KCNH7: variants seen among roughly 807,000 people sequenced by gnomAD.
KCNH7 encodes the protein potassium voltage-gated channel subfamily H member 7.
A neutral mutation model predicts 120.8 loss-of-function variants in KCNH7; 49 were observed. That is an observed-to-expected ratio of 0.41 (90% CI 0.32 to 0.51). The LOEUF (loss-of-function observed/expected upper bound fraction) is 0.51. Among genes scored for constraint, KCNH7 ranks in the 20% least tolerant of loss-of-function variants. The pLI is 0.38. For synonymous variants in KCNH7, 547 were observed against 516.1 expected, an observed-to-expected ratio of 1.06 and a Z score of -0.81; for missense variants, 1,097 against 1,446.6, an observed-to-expected ratio of 0.76 and a Z score of 3.92.
intron 2 of KCNH7, among the ~76,000 whole-genome samples, chr2:162,571,136 T>C (rs1386619654): frequency 2.0e-5 from 3 of 151,772 alleles, no homozygotes; most frequent in South Asian, 4.2e-4. Context: ...TGATTGTATA[T>C]CTAGAAAACC....
chr2:162,705,542 T>C (rs1559091216), intron 2 of KCNH7, among the ~76,000 whole-genome samples: 1 of 152,140 alleles, frequency 6.6e-6, no homozygotes. Context: ...TATAGGTATT[T>C]TGTGTCTCCT....
chr2:162,679,959 G>C lies in KCNH7; in HGVS notation c.308-142879C>G, dbSNP rs540938518. Among the ~76,000 whole-genome samples the C allele has an allele frequency of 3.3e-5, 5 of 151,660 alleles. No homozygotes were observed. The South Asian group carries it at 1.0e-3, about 31-fold the overall frequency. On this transcript the variant is annotated intron_variant, in intron 2 of 15. Coordinates refer to ENST00000332142, the MANE Select transcript of KCNH7 (RefSeq NM_033272.4). ...TTTGTTTTATAAAAGTGGAACACAC[G>C]CCATATTTAAATCTGCTGCAGAAAC...
intron 6 of KCNH7, among the ~76,000 whole-genome samples, chr2:162,486,651 T>C (rs1372016274): frequency 6.6e-6 from 1 of 152,170 alleles, no homozygotes; most frequent in Non-Finnish European, 1.5e-5. Context: ...ATCTCAAGCT[T>C]TTCTTTTAAA....
intron 2 of KCNH7, among the ~76,000 whole-genome samples, chr2:162,817,050 C>T (rs766442103): frequency 6.6e-6 from 1 of 152,024 alleles, no homozygotes; most frequent in Non-Finnish European, 1.5e-5. Flanking sequence ...AAAAATCTGG[C>T]CCTGAAAGTA....
At chr2:162,661,687 A>G (rs1684964190) in intron 2 of KCNH7, among the ~76,000 whole-genome samples, 1 of 152,116 alleles carries the variant, frequency 6.6e-6, no homozygotes, top group African/African-American at 2.4e-5. Flanking sequence ...GTAAGAAGCT[A>G]TTTTAGGTAA....
At chr2:162,629,923 A>G (rs964034953) in intron 2 of KCNH7, among the ~76,000 whole-genome samples, 2 of 152,178 alleles carry the variant, frequency 1.3e-5, no homozygotes, top group Non-Finnish European at 2.9e-5. Context: ...ATTACATTAT[A>G]ATTGGACATA....
At chr2:162,487,619 T>C (rs1004005417) in intron 6 of KCNH7, among the ~76,000 whole-genome samples, 3 of 152,184 alleles carry the variant, frequency 2.0e-5, no homozygotes, top group Non-Finnish European at 4.4e-5. Context: ...ATGAACTCTT[T>C]AGAAACAATT....
intron 3 of KCNH7, among the ~76,000 whole-genome samples, chr2:162,534,224 C>T (rs1347879609): frequency 2.0e-5 from 3 of 150,946 alleles, no homozygotes; most frequent in Admixed American, 6.6e-5. Context: ...GAAAATAAAT[C>T]GATGCAATGA....
chr2:162,645,259 T>C (rs1442733036), intron 2 of KCNH7, among the ~76,000 whole-genome samples: 1 of 152,096 alleles, frequency 6.6e-6, no homozygotes, highest in East Asian at 1.9e-4. Context: ...GTGATTCTCT[T>C]GCCTCAGCCT....
chr2:162,602,680 A>G (rs1014033200), intron 2 of KCNH7, among the ~76,000 whole-genome samples: 1 of 152,040 alleles, frequency 6.6e-6, no homozygotes, highest in Non-Finnish European at 1.5e-5. Context: ...TTCCAATACT[A>G]GTTATCCATT....
In KCNH7 at chr2:162,491,252, C is replaced by A. The variant is rs1477987386; in HGVS notation, c.1128+13191G>T. Among the ~76,000 whole-genome samples, 3 of 152,302 alleles carry A rather than the reference C, an allele frequency of 2.0e-5. No homozygotes were observed. The East Asian group carries it at 5.8e-4, about 29-fold the overall frequency. ...ATTTGCATAGAGCTAGAGGTTTTTC[C>A]CCCAGGCATTGTCCCCACCCTGCAC... On this transcript the variant is annotated intron_variant, in intron 6 of 15. Transcript: ENST00000332142.
At chr2:162,691,475 C>G (rs1686099122) in intron 2 of KCNH7, among the ~76,000 whole-genome samples, 1 of 152,086 alleles carries the variant, frequency 6.6e-6, no homozygotes. Context: ...TGCTAACTCA[C>G]TTCTCTTACG....
At chr2:162,620,151 G>GAT (rs72479668) in intron 2 of KCNH7, among the ~76,000 whole-genome samples, 264 of 135,650 alleles carry the variant, frequency 1.9e-3, no homozygotes, top group African/African-American at 4.6e-3. Context: ...GAGAAATATA[G>GAT]ATATATATAT....
intron 2 of KCNH7, among the ~76,000 whole-genome samples, chr2:162,720,556 TATAACACACAATTTAAAAATA>T (rs1163411683): frequency 6.4e-4 from 97 of 152,234 alleles, no homozygotes; most frequent in African/African-American, 2.2e-3. Context: ...ATAAAGGTTG[TATAACACACAATTTAAAAATA>T]ATAACAATAT....
intron 2 of KCNH7, among the ~76,000 whole-genome samples, chr2:162,623,958 T>C (rs1356211473): frequency 1.3e-5 from 2 of 152,168 alleles, no homozygotes; most frequent in African/African-American, 4.8e-5. Context: ...AATAATCAAT[T>C]AAAACGTTTT....
chr2:162,554,229 A>G (rs538511480), intron 2 of KCNH7, among the ~76,000 whole-genome samples: 10 of 152,204 alleles, frequency 6.6e-5, no homozygotes, highest in Non-Finnish European at 1.3e-4. Flanking sequence ...CATATTGGGC[A>G]TGTTTGACTC....
At chr2:162,654,220 G>A (rs1457733283) in intron 2 of KCNH7, among the ~76,000 whole-genome samples, 1 of 151,618 alleles carries the variant, frequency 6.6e-6, no homozygotes, top group African/African-American at 2.4e-5. Flanking sequence ...TATGGAATAG[G>A]AGAGAATATT....
chr2:162,410,583 C>G (rs1341411729), intron 9 of KCNH7, among the ~76,000 whole-genome samples: 1 of 152,014 alleles, frequency 6.6e-6, no homozygotes, highest in Non-Finnish European at 1.5e-5. Context: ...GCAACCAAAA[C>G]CACAATTGAG....
chr2:162,521,528 G>C (rs542449723), intron 3 of KCNH7, among the ~76,000 whole-genome samples: 3 of 151,758 alleles, frequency 2.0e-5, no homozygotes, highest in Non-Finnish European at 2.9e-5. Context: ...ATTTAAGAAG[G>C]CCACTTTATT....
Sources: allele counts gnomAD v4.1 joint callset (sites outside exome capture counted in the v4.1 genomes callset), GRCh38; gene constraint gnomAD v4.1.1; transcripts MANE v1.5; gene names NCBI Gene and HGNC (gene_info 2026-07-23, HGNC 2026-07-21).